The following GRIA1 variants were observed in gnomAD, a reference collection of about 807,000 sequenced individuals.
GRIA1 encodes the protein glutamate receptor 1.
A neutral mutation model predicts 99.2 loss-of-function variants in GRIA1; 31 were observed. The observed-to-expected ratio is 0.31, with a 90% CI of 0.23 to 0.42. The LOEUF (loss-of-function observed/expected upper bound fraction) is 0.42. GRIA1 is among the 10% of genes least tolerant of loss of function. The pLI is 1.00. For missense variants in GRIA1, 782 were observed against 1,157.5 expected (o/e 0.68, Z 4.71); for synonymous variants, 438 against 432.4 (o/e 1.01, Z -0.16).
intron 2 of GRIA1, among the ~76,000 whole-genome samples, chr5:153,635,914 G>A (rs78768686): frequency 0.039 from 5,895 of 152,268 alleles, 146 homozygotes; most frequent in Non-Finnish European, 0.056. Flanking sequence ...AAAGCTGGCC[G>A]GTGCTAAGAA....
chr5:153,513,936 G>A (rs1229670738), intron 2 of GRIA1, among the ~76,000 whole-genome samples: 2 of 152,140 alleles, frequency 1.3e-5, no homozygotes, highest in East Asian at 3.8e-4. Flanking sequence ...TGAGTGTAAG[G>A]CCTATTATAT....
At chr5:153,587,986 C>A (rs1379861510) in intron 2 of GRIA1, among the ~76,000 whole-genome samples, 1 of 152,116 alleles carries the variant, frequency 6.6e-6, no homozygotes, top group African/African-American at 2.4e-5. Context: ...ACATTTATAC[C>A]AAAATCTTAG....
rs1185736912 is a variant in GRIA1, at chr5:153,811,083, C to G, written c.2579C>G (p.Pro860Arg). The change falls in exon 16 of 16, where the codon CCC (proline) becomes CGC (arginine). Residue 860 changes from proline (P) to arginine (R), a missense_variant. This residue lies in a region of GRIA1 where 76 missense variants were observed against 81.2 expected (regional missense o/e 0.94). Coordinates refer to ENST00000285900, the MANE Select transcript of GRIA1 (RefSeq NM_000827.4). ...GAAGCCATACGGACATCGACCCTCC[C>G]CCGCAACAGCGGGGCAGGAGCCAGC... is the stretch of plus-strand genomic sequence containing the variant. ...INEAIRTSTL[P>R]RNSGAGASSG... is the part of the protein sequence containing the mutation. 4 of 1,614,018 alleles carry G rather than the reference C, an allele frequency of 2.5e-6. No individual in the cohort carries two copies. Among genetic ancestry groups the G allele is most frequent in the Non-Finnish European group, 3.4e-6 (4 of 1,179,986 alleles).
chr5:153,627,783 G>A lies in GRIA1; in HGVS notation c.221-19145G>A, dbSNP rs915115443. Among the ~76,000 whole-genome samples, 11 of 152,244 alleles carry A rather than the reference G, an allele frequency of 7.2e-5. No individual in the cohort carries two copies. In the South Asian group the frequency reaches 1.0e-3, roughly 14 times the overall value. On this transcript the variant is annotated intron_variant, in intron 2 of 15. Coordinates refer to ENST00000285900, the MANE Select transcript of GRIA1 (RefSeq NM_000827.4). ...GCAATTGTTCAATGACTCTGACCAT[G>A]GAAAGCATACGAGAAAAAGTACGCC...
intron 2 of GRIA1, among the ~76,000 whole-genome samples, chr5:153,511,915 G>A (rs548916): frequency 0.78 from 119,001 of 152,196 alleles, 47,257 homozygotes; most frequent in African/African-American, 0.92. Context: ...TCGTTCCTGC[G>A]AAGCCAGTTC....
At chr5:153,697,023 A>G (rs1025461663) in intron 8 of GRIA1, among the ~76,000 whole-genome samples, 7 of 152,292 alleles carry the variant, frequency 4.6e-5, no homozygotes, top group African/African-American at 1.2e-4. Flanking sequence ...GGCTAACTCT[A>G]TCTTCCACCC....
chr5:153,491,252 A>AT, intron 1 of GRIA1: 2 of 1,345,110 alleles, frequency 1.5e-6, no homozygotes, highest in South Asian at 2.0e-5. Flanking sequence ...GAGGAAAAAA[A>AT]AAATCAGGCT....
intron 7 of GRIA1, among the ~76,000 whole-genome samples, chr5:153,677,539 G>C (rs548074781): frequency 1.3e-5 from 2 of 152,294 alleles, no homozygotes; most frequent in East Asian, 1.9e-4. Context: ...TTTGCTCTCT[G>C]CACACATTGT....
At chr5:153,575,458 C>G (rs1019632787) in intron 2 of GRIA1, among the ~76,000 whole-genome samples, 25 of 152,172 alleles carry the variant, frequency 1.6e-4, no homozygotes, top group African/African-American at 6.0e-4. Context: ...TCCGGCACTT[C>G]AGGTTTTTGA....
intron 11 of GRIA1, among the ~76,000 whole-genome samples, chr5:153,736,062 A>G (rs1453329229): frequency 6.6e-6 from 1 of 152,204 alleles, no homozygotes; most frequent in Non-Finnish European, 1.5e-5. Flanking sequence ...ATGGGACTGA[A>G]TAAGATTACA....
intron 13 of GRIA1, among the ~76,000 whole-genome samples, chr5:153,781,712 C>T (rs1764642402): frequency 7.4e-6 from 1 of 135,084 alleles, no homozygotes; most frequent in African/African-American, 2.6e-5. Context: ...ATTAAACCAA[C>T]TGACAACTTG....
chr5:153,787,815 T>C (rs1458595174), intron 13 of GRIA1, among the ~76,000 whole-genome samples: 1 of 152,118 alleles, frequency 6.6e-6, no homozygotes, highest in South Asian at 2.1e-4. Flanking sequence ...CTAACAGGCA[T>C]CTTAAATTTA....
At chr5:153,801,045 G>T (rs1213779922) in intron 14 of GRIA1, among the ~76,000 whole-genome samples, 2 of 152,188 alleles carry the variant, frequency 1.3e-5, no homozygotes, top group East Asian at 3.8e-4. Flanking sequence ...TATAAACAAA[G>T]GTGTTAGAGC....
intron 11 of GRIA1, among the ~76,000 whole-genome samples, chr5:153,748,833 G>A (rs1318339261): frequency 6.6e-6 from 1 of 152,064 alleles, no homozygotes; most frequent in African/African-American, 2.4e-5. Flanking sequence ...TTTTTGTGAG[G>A]GTTCATTGAG....
At chr5:153,778,404 CTTG>C (rs1473819298) in intron 13 of GRIA1, among the ~76,000 whole-genome samples, 1 of 152,018 alleles carries the variant, frequency 6.6e-6, no homozygotes, top group Non-Finnish European at 1.5e-5. Flanking sequence ...GGTGATAAGA[CTTG>C]TTGTTAATAT....
intron 8 of GRIA1, among the ~76,000 whole-genome samples, chr5:153,693,264 C>A (rs1263302659): frequency 6.6e-6 from 1 of 152,098 alleles, no homozygotes; most frequent in East Asian, 1.9e-4. Context: ...CTGTTGTATT[C>A]CGTTGGCCAG....
chr5:153,783,291 A>G (rs1231091343), intron 13 of GRIA1, among the ~76,000 whole-genome samples: 5 of 152,114 alleles, frequency 3.3e-5, no homozygotes, highest in Non-Finnish European at 4.4e-5. Context: ...CCCTCCATTA[A>G]TTGCGGGGGG....
intron 2 of GRIA1, among the ~76,000 whole-genome samples, chr5:153,625,814 A>G (rs909083305): frequency 6.6e-6 from 1 of 152,200 alleles, no homozygotes; most frequent in Non-Finnish European, 1.5e-5. Context: ...GCACACAGTA[A>G]CTTATTTATT....
intron 2 of GRIA1, among the ~76,000 whole-genome samples, chr5:153,624,949 A>G (rs945999751): frequency 2.6e-5 from 4 of 152,210 alleles, no homozygotes; most frequent in African/African-American, 4.8e-5. Flanking sequence ...CTTTTAATAC[A>G]TTCAGGACTC....
Sources: allele counts gnomAD v4.1 joint callset (sites outside exome capture counted in the v4.1 genomes callset), GRCh38; gene constraint gnomAD v4.1.1; regional missense constraint gnomAD v4.1.1; transcripts MANE v1.5; gene names NCBI Gene and HGNC (gene_info 2026-07-23, HGNC 2026-07-21).